The following MROH1 variants were observed in gnomAD, a reference collection of about 807,000 sequenced individuals.
MROH1 encodes the protein maestro heat-like repeat-containing protein family member 1.
Under a neutral mutation model 116.5 loss-of-function variants are expected in MROH1, and 117 were observed. The ratio of observed to expected loss-of-function variants is 1.00; its 90% confidence interval spans 0.86 to 1.17. The LOEUF is 1.17. MROH1 is among the 50% of genes most tolerant of loss of function. The pLI, the probability that MROH1 is intolerant of heterozygous loss-of-function variation, is 0.00. For synonymous variants in MROH1, 921 were observed against 583.9 expected (o/e 1.58, Z -8.32); for missense variants, 1,873 against 1,338.5 (o/e 1.40, Z -6.23).
At chr8:144,234,731 T>G (rs1839740726) in intron 14 of MROH1, among the ~76,000 whole-genome samples, 1 of 150,012 alleles carries the variant, frequency 6.7e-6, no homozygotes, top group Non-Finnish European at 1.5e-5. Context: ...TTGGCCAGGC[T>G]GGTCTTGAAC....
intron 7 of MROH1, among the ~76,000 whole-genome samples, chr8:144,183,315 A>T (rs1826139355): frequency 6.6e-6 from 1 of 150,418 alleles, no homozygotes. Flanking sequence ...TGGGAAGTCG[A>T]GGCTGCAGTG....
rs1246063119 is a variant in MROH1, at chr8:144,259,228, C to T, written c.3930-12C>T. Reference sequence around the variant, plus strand: ...CAACAGCCCCTGCACCCTCAGCGGCCCCCTTTCCCAGGGCCATGGCTGAGC... The same window carrying T: ...CAACAGCCCCTGCACCCTCAGCGGCTCCCTTTCCCAGGGCCATGGCTGAGC... On this transcript the variant is annotated splice_polypyrimidine_tract_variant and intron_variant, in intron 36 of 43. Transcript: ENST00000326134. 1 of 712,568 alleles carries T rather than the reference C, an allele frequency of 1.4e-6. No individual in the cohort carries two copies. Among genetic ancestry groups the T allele is most frequent in the African/African-American group, 1.7e-5 (1 of 57,180 alleles). The allele number at this position is 712,568 out of a possible 1,614,324, so 44.1% of individuals were successfully genotyped here. A position where few individuals can be genotyped will look rare whatever the true frequency, so the allele number is the denominator to read the frequency against.
At chr8:144,200,814 T>G in intron 12 of MROH1, 1 of 422,768 alleles carries the variant, frequency 2.4e-6, no homozygotes. Flanking sequence ...TGACCATGCC[T>G]CTGAGGGTTC....
chr8:144,172,269 C>T (rs1244825929), intron 4 of MROH1, among the ~76,000 whole-genome samples: 5 of 152,178 alleles, frequency 3.3e-5, no homozygotes, highest in Admixed American at 2.0e-4. Context: ...TGAAAAGAGA[C>T]ATTTACTATC....
rs920010542 is a variant in MROH1, at chr8:144,236,184, C to T, written c.1339-2572C>T. Among the ~76,000 whole-genome samples, 814 of 152,286 alleles carry T rather than the reference C, an allele frequency of 5.3e-3. 7 individuals are homozygous for T. The highest frequency in any genetic ancestry group is 0.018 in the African/African-American group (763 of 41,548). On this transcript the variant is annotated intron_variant, in intron 14 of 43. Transcript: ENST00000326134. ...TGAGACCAGTTATTTTGTTGAATAG[C>T]TCAGGTATGGTGGTGTTTTCTCATG...
chr8:144,253,027 G>A (rs1843099443), intron 33 of MROH1, among the ~76,000 whole-genome samples: 1 of 150,760 alleles, frequency 6.6e-6, no homozygotes, highest in African/African-American at 2.4e-5. Flanking sequence ...GGCAGCACGT[G>A]TCTGTAATCC....
rs114856975 is a variant in MROH1 at position 144,232,155 on chromosome 8, T to G, written c.1339-6601T>G. 7.8e-3 allele frequency among the ~76,000 whole-genome samples: 1,194 copies of G among 152,306 alleles called. 15 individuals are homozygous for G. The highest frequency in any genetic ancestry group is 0.027 in the African/African-American group (1,122 of 41,570). ...TCTATAGGATACTAGGTCTTTTTTC[T>G]GAATATATATTTGTACCCATTAATC... is the stretch of plus-strand genomic sequence containing the variant. On this transcript the variant is annotated intron_variant, in intron 14 of 43. Transcript: ENST00000326134.
At chr8:144,238,504 G>A (rs1455506502) in intron 14 of MROH1, among the ~76,000 whole-genome samples, 1 of 152,218 alleles carries the variant, frequency 6.6e-6, no homozygotes, top group Non-Finnish European at 1.5e-5. Flanking sequence ...CACGAGCAGT[G>A]ATTTTTTATG....
At chr8:144,234,507 T>G (rs1839657055) in intron 14 of MROH1, among the ~76,000 whole-genome samples, 5 of 57,994 alleles carry the variant, frequency 8.6e-5, no homozygotes, top group African/African-American at 5.0e-4. Context: ...CGTTTTTTTT[T>G]TTTTTTTTTT....
intron 1 of MROH1, among the ~76,000 whole-genome samples, chr8:144,151,523 C>T (rs1816788144): frequency 6.6e-6 from 1 of 152,150 alleles, no homozygotes; most frequent in Non-Finnish European, 1.5e-5. Context: ...TCTGGCTCCC[C>T]CATTGGCTGA....
chr8:144,254,263 T>C (rs1439277617), intron 33 of MROH1, among the ~76,000 whole-genome samples: 2 of 152,264 alleles, frequency 1.3e-5, no homozygotes, highest in African/African-American at 4.8e-5. Flanking sequence ...CTGAGTACAT[T>C]AGTGTTTCAT....
intron 32 of MROH1, among the ~76,000 whole-genome samples, chr8:144,249,654 G>A (rs1322466200): frequency 6.6e-5 from 10 of 152,230 alleles, no homozygotes; most frequent in East Asian, 1.9e-4. Context: ...TTTCCCCCGC[G>A]TTCCGTTCAC....
intron 12 of MROH1, among the ~76,000 whole-genome samples, chr8:144,217,960 G>A (rs1400208452): frequency 1.3e-5 from 2 of 151,388 alleles, no homozygotes; most frequent in Admixed American, 1.3e-4. Context: ...ATCCCTCTGG[G>A]TGGCTGCGTT....
rs994171750 is a variant in MROH1, at chr8:144,244,058, G to A, written c.2555+116G>A. On this transcript the variant is annotated intron_variant, in intron 26 of 43. Transcript: ENST00000326134. Reference sequence around the variant, plus strand: ...TGTGCGTGTGTGTGCCTGTGCTTGCGTGTGTGCACGCCTTGTGTGTGCGCA... The same window carrying A: ...TGTGCGTGTGTGTGCCTGTGCTTGCATGTGTGCACGCCTTGTGTGTGCGCA... 6.8e-4 allele frequency: 486 copies of A among 713,442 alleles called. 1 individual carries two copies. The African/African-American group carries it at 6.9e-3, about 10-fold the overall frequency. The allele number at this position is 713,442 out of a possible 1,614,324, so 44.2% of individuals were successfully genotyped here.
At chr8:144,183,115 C>T (rs778684038) in intron 7 of MROH1, among the ~76,000 whole-genome samples, 4 of 151,772 alleles carry the variant, frequency 2.6e-5, no homozygotes, top group African/African-American at 4.8e-5. Flanking sequence ...TGGTAGCTTA[C>T]GCCTGTAATC....
In MROH1 at chr8:144,249,599, TGTG is replaced by T. The variant is rs1379904903; in HGVS notation, c.3273+575_3273+577del. On this transcript the variant is annotated intron_variant, in intron 32 of 43. Coordinates refer to ENST00000326134, the MANE Select transcript of MROH1 (RefSeq NM_032450.3). ...GCTCATGCTATGCTGCTGCTGGACTTGTGGTGGGCCTGGGGGTCCCAGGGCCAG... is the reference window on the plus strand; with the variant it reads ...GCTCATGCTATGCTGCTGCTGGACTTGTGGGCCTGGGGGTCCCAGGGCCAG... Among the ~76,000 whole-genome samples the T allele has an allele frequency of 2.2e-4, 33 of 152,260 alleles. No homozygotes were observed. In the East Asian group the frequency reaches 5.4e-3, roughly 25 times the overall value.
chr8:144,226,471 G>C (rs1837844019), intron 14 of MROH1, among the ~76,000 whole-genome samples: 1 of 151,144 alleles, frequency 6.6e-6, no homozygotes, highest in African/African-American at 2.4e-5. Context: ...CTTTTTTTTT[G>C]AGACGGAGTC....
intron 12 of MROH1, chr8:144,212,951 TG>T: frequency 1.3e-6 from 1 of 749,024 alleles, no homozygotes; most frequent in Non-Finnish European, 2.5e-6. Context: ...TTAATAGAAT[TG>T]GACTATCCCA....
At chr8:144,235,320 T>G (rs1003026201) in intron 14 of MROH1, among the ~76,000 whole-genome samples, 1 of 152,256 alleles carries the variant, frequency 6.6e-6, no homozygotes, top group Non-Finnish European at 1.5e-5. Flanking sequence ...ATAGTTTTAC[T>G]TCTTTTTTTT....
Sources: allele counts gnomAD v4.1 joint callset (sites outside exome capture counted in the v4.1 genomes callset), GRCh38; gene constraint gnomAD v4.1.1; transcripts MANE v1.5; gene names NCBI Gene and HGNC (gene_info 2026-07-23, HGNC 2026-07-21).